Variants in NRXN3 observed in about 807,000 individuals in gnomAD.
NRXN3 encodes neurexin 3, also known as neurexin III.
NRXN3 carries 32 observed loss-of-function variants against 137.6 expected under a neutral mutation model. The observed-to-expected ratio is 0.23, with a 90% CI of 0.18 to 0.31. The LOEUF is 0.31. NRXN3 is among the 10% of genes least tolerant of loss of function. The probability of loss-of-function intolerance (pLI) is 1.00; values close to 1 mark genes in which losing one functional copy is unlikely to be tolerated. For missense variants in NRXN3, 1,574 were observed against 2,062.5 expected, an observed-to-expected ratio of 0.76 and a Z score of 4.59; for synonymous variants, 798 against 784.5, an observed-to-expected ratio of 1.02 and a Z score of -0.29.
rs186557366 is a variant in NRXN3 at position 78,430,714 on chromosome 14, A to G, written c.757+132854A>G. ...GCCCTGCATAGGTCTTGTTCAGAGA[A>G]GTGGGTGCACTGTGGCAGAAACAAT... On this transcript the variant is annotated intron_variant, in intron 4 of 20. Coordinates refer to ENST00000335750, the MANE Select transcript of NRXN3 (RefSeq NM_001330195.2). Among the ~76,000 whole-genome samples the G allele has an allele frequency of 2.0e-3, 302 of 152,312 alleles. 1 individual carries two copies. The highest frequency in any genetic ancestry group is 6.4e-3 in the African/African-American group (267 of 41,578).
At chr14:79,466,270 A>G (rs551532437) in intron 15 of NRXN3, among the ~76,000 whole-genome samples, 20 of 152,196 alleles carry the variant, frequency 1.3e-4, no homozygotes, top group African/African-American at 4.8e-4. Flanking sequence ...ACCACTAGGG[A>G]ACAAAAAAAA....
chr14:78,705,019 G>A (rs936707978), intron 6 of NRXN3, among the ~76,000 whole-genome samples: 2 of 152,168 alleles, frequency 1.3e-5, no homozygotes, highest in Admixed American at 6.5e-5. Context: ...TCCTAAGCAT[G>A]AGTCACGTGT....
chr14:78,183,629 A>G (rs957939444), intron 1 of NRXN3, among the ~76,000 whole-genome samples: 1 of 152,230 alleles, frequency 6.6e-6, no homozygotes, highest in Non-Finnish European at 1.5e-5. Context: ...GAGTCTGCAC[A>G]TGGGGACAAG....
intron 19 of NRXN3, among the ~76,000 whole-genome samples, chr14:79,771,400 A>G (rs2099077930): frequency 6.6e-6 from 1 of 152,196 alleles, no homozygotes; most frequent in Non-Finnish European, 1.5e-5. Flanking sequence ...AACCGACTCC[A>G]GCAGCACATC....
intron 15 of NRXN3, among the ~76,000 whole-genome samples, chr14:79,167,702 A>G (rs577799044): frequency 6.6e-6 from 1 of 151,894 alleles, no homozygotes; most frequent in South Asian, 2.1e-4. Context: ...TTATGCCTCA[A>G]CATTTGGTCT....
At chr14:79,381,295 T>C (rs1202267957) in intron 15 of NRXN3, among the ~76,000 whole-genome samples, 1 of 151,974 alleles carries the variant, frequency 6.6e-6, no homozygotes, top group African/African-American at 2.4e-5. Context: ...GAGAGGTATA[T>C]AGTGTTTCTC....
chr14:78,681,874 T>C (rs2098079717), intron 6 of NRXN3, among the ~76,000 whole-genome samples: 1 of 152,108 alleles, frequency 6.6e-6, no homozygotes, highest in Non-Finnish European at 1.5e-5. Context: ...TTTTTGTTGT[T>C]GTTGCTGTTG....
chr14:78,982,074 G>A (rs17108455), intron 14 of NRXN3, among the ~76,000 whole-genome samples: 6,996 of 151,882 alleles, frequency 0.046, 532 homozygotes, highest in African/African-American at 0.16. Flanking sequence ...AAGGACACAC[G>A]GCCAATTAAA....
intron 4 of NRXN3, among the ~76,000 whole-genome samples, chr14:78,475,949 T>G (rs2095370504): frequency 6.6e-6 from 1 of 152,214 alleles, no homozygotes; most frequent in African/African-American, 2.4e-5. Context: ...TAGCAAAAGA[T>G]ATAGATAATG....
chr14:79,372,298 C>A (rs369317454), intron 15 of NRXN3, among the ~76,000 whole-genome samples: 1 of 152,086 alleles, frequency 6.6e-6, no homozygotes, highest in Non-Finnish European at 1.5e-5. Context: ...AGATAAATTT[C>A]GGCACACAGG....
intron 15 of NRXN3, among the ~76,000 whole-genome samples, chr14:79,160,561 A>G (rs1362075103): frequency 6.6e-6 from 1 of 151,914 alleles, no homozygotes; most frequent in African/African-American, 2.4e-5. Flanking sequence ...GGCTGGGTGG[A>G]TAGCTGTTCT....
chr14:78,600,269 T>A (rs1453738198), intron 4 of NRXN3, among the ~76,000 whole-genome samples: 1 of 152,150 alleles, frequency 6.6e-6, no homozygotes, highest in Non-Finnish European at 1.5e-5. Context: ...GCTGGGACTT[T>A]GAAGAGAACA....
At chr14:79,834,722 A>G (rs1395497402) in intron 20 of NRXN3, among the ~76,000 whole-genome samples, 1 of 152,096 alleles carries the variant, frequency 6.6e-6, no homozygotes, top group Non-Finnish European at 1.5e-5. Context: ...TTCATTCCCA[A>G]TCATACTTTA....
intron 15 of NRXN3, among the ~76,000 whole-genome samples, chr14:79,150,683 G>T (rs1426494189): frequency 6.9e-6 from 1 of 144,514 alleles, no homozygotes; most frequent in African/African-American, 2.6e-5. Flanking sequence ...CTTCTCTGCA[G>T]ATACCATTAA....
At chr14:78,394,761 A>G (rs1179124053) in intron 4 of NRXN3, among the ~76,000 whole-genome samples, 1 of 151,888 alleles carries the variant, frequency 6.6e-6, no homozygotes, top group African/African-American at 2.4e-5. Flanking sequence ...TAGCTATTCA[A>G]ATGATCTCTT....
chr14:78,878,436 T>C (rs75250407), intron 10 of NRXN3, among the ~76,000 whole-genome samples: 2,102 of 152,280 alleles, frequency 0.014, 56 homozygotes, highest in African/African-American at 0.047. Flanking sequence ...AACCAGCCAA[T>C]GTGATGCAAA....
chr14:78,431,271 G>A (rs569620963), intron 4 of NRXN3, among the ~76,000 whole-genome samples: 11 of 152,252 alleles, frequency 7.2e-5, no homozygotes, highest in African/African-American at 2.4e-4. Context: ...TTAGGTCCAG[G>A]GAACTTGATA....
At chr14:78,649,331 G>T in intron 5 of NRXN3, 2 of 1,307,958 alleles carry the variant, frequency 1.5e-6, no homozygotes, top group Non-Finnish European at 2.0e-6. Context: ...CATTCTTATT[G>T]TCTCTTTTTT....
At chr14:78,193,313 AG>A (rs2060914885) in intron 1 of NRXN3, among the ~76,000 whole-genome samples, 2 of 152,298 alleles carry the variant, frequency 1.3e-5, no homozygotes, top group Admixed American at 1.3e-4. Context: ...GTCACACAGC[AG>A]GTTGGTATGG....
Sources: allele counts gnomAD v4.1 joint callset (sites outside exome capture counted in the v4.1 genomes callset), GRCh38; gene constraint gnomAD v4.1.1; transcripts MANE v1.5; gene names NCBI Gene and HGNC (gene_info 2026-07-23, HGNC 2026-07-21).